Variants in FMN1 observed in about 807,000 individuals in gnomAD.
FMN1 encodes the protein formin 1.
A neutral mutation model predicts 132.4 loss-of-function variants in FMN1; 110 were observed. The observed-to-expected ratio is 0.83, with a 90% CI of 0.71 to 0.97. The LOEUF (loss-of-function observed/expected upper bound fraction) is 0.97. Among genes scored for constraint, FMN1 ranks in the 50% least tolerant of loss-of-function variants. FMN1 has a pLI of 0.00. For synonymous variants in FMN1, 722 were observed against 651.7 expected (o/e 1.11, Z -1.64); for missense variants, 1,792 against 1,705.3 (o/e 1.05, Z -0.90).
At chr15:33,189,464 T>C (rs1296791702) in intron 2 of FMN1, among the ~76,000 whole-genome samples, 1 of 152,228 alleles carries the variant, frequency 6.6e-6, no homozygotes, top group Non-Finnish European at 1.5e-5. Flanking sequence ...ATAATTCTAA[T>C]GCCTAAAAAA....
At chr15:33,010,227 T>C (rs1384840256) in intron 6 of FMN1, among the ~76,000 whole-genome samples, 1 of 152,040 alleles carries the variant, frequency 6.6e-6, no homozygotes, top group Non-Finnish European at 1.5e-5. Flanking sequence ...CACTGTTCAA[T>C]AGCATTTATA....
intron 6 of FMN1, among the ~76,000 whole-genome samples, chr15:33,025,512 A>C (rs1380123795): frequency 6.6e-6 from 1 of 152,186 alleles, no homozygotes; most frequent in Non-Finnish European, 1.5e-5. Context: ...ATGCAATTAA[A>C]TTAAAATCCA....
At chr15:32,788,294 G>C (rs998220694) in intron 19 of FMN1, among the ~76,000 whole-genome samples, 23 of 152,224 alleles carry the variant, frequency 1.5e-4, no homozygotes, top group African/African-American at 5.1e-4. Context: ...TCCTCATTTA[G>C]GGAGAGTAGT....
chr15:32,908,481 T>C lies in FMN1; in HGVS notation c.3377+9A>G. ...TTTGGCCTAACAGAAAAATGTTAAG[T>C]ATCCTTACTGCTCAGGTTTATCCAG... is the stretch of plus-strand genomic sequence containing the variant. On this transcript the variant is annotated intron_variant, in intron 12 of 20. Coordinates refer to ENST00000616417, the MANE Select transcript of FMN1 (RefSeq NM_001277313.2). 6.3e-7 allele frequency: 1 copy of C among 1,582,662 alleles called. No individual in the cohort carries two copies. The highest frequency in any genetic ancestry group is 8.7e-7 in the Non-Finnish European group (1 of 1,152,660).
intron 16 of FMN1, among the ~76,000 whole-genome samples, chr15:32,882,896 A>G (rs1303403360): frequency 6.6e-6 from 1 of 152,262 alleles, no homozygotes; most frequent in South Asian, 2.1e-4. Flanking sequence ...TGACTGACTC[A>G]GGCAAGGGCC....
rs766095623 is a variant in FMN1 at position 32,774,302 on chromosome 15, T to A, written c.*8A>T. The stretch of plus-strand genomic sequence containing the variant: ...CCTCCAGTGCCATCATTTCCATGTG[T>A]CTTCATCTTAGTTAGTGGTCACACT... On this transcript the variant is annotated 3_prime_UTR_variant, in exon 21 of 21. Transcript: ENST00000616417. 2 of 1,601,652 alleles carry A rather than the reference T, an allele frequency of 1.2e-6. No individual in the cohort carries two copies. The highest frequency in any genetic ancestry group is 3.4e-5 in the Admixed American group (2 of 58,924).
intron 17 of FMN1, among the ~76,000 whole-genome samples, chr15:32,820,648 G>C (rs755014851): frequency 1.3e-5 from 2 of 152,098 alleles, no homozygotes; most frequent in Non-Finnish European, 2.9e-5. Context: ...AAGTAGATTT[G>C]TTAGTGTTAT....
chr15:33,170,540 C>A (rs1243785684), intron 3 of FMN1, among the ~76,000 whole-genome samples: 1 of 146,400 alleles, frequency 6.8e-6, no homozygotes, highest in African/African-American at 2.6e-5. Flanking sequence ...ACAGGGAACT[C>A]AAACAACTCA....
chr15:33,094,937 T>C (rs1262852626), intron 4 of FMN1, among the ~76,000 whole-genome samples: 1 of 152,154 alleles, frequency 6.6e-6, no homozygotes, highest in Non-Finnish European at 1.5e-5. Context: ...TTTAGGAGAT[T>C]GTAGGATTCA....
rs373048763 is a variant in FMN1 at position 33,128,747 on chromosome 15, A to G, written c.1867+24301T>C. The stretch of plus-strand genomic sequence containing the variant: ...ACAGCTCTTAAAGGTGATGTGGTGA[A>G]TTTTAAAGCCCTTAAAAGTGGTATG... On this transcript the variant is annotated intron_variant, in intron 4 of 20. Transcript: ENST00000616417. Among the ~76,000 whole-genome samples, 110 of 152,336 alleles carry G rather than the reference A, an allele frequency of 7.2e-4. 2 individuals are homozygous for G. In the South Asian group the frequency reaches 0.022, roughly 31 times the overall value.
At chr15:33,037,193 G>A (rs554900253) in intron 6 of FMN1, among the ~76,000 whole-genome samples, 11 of 152,238 alleles carry the variant, frequency 7.2e-5, no homozygotes, top group Non-Finnish European at 2.9e-5. Context: ...CAGAGTTTGA[G>A]ATGATCTGCT....
At chr15:32,780,462 G>A (rs1000331004) in intron 19 of FMN1, among the ~76,000 whole-genome samples, 3 of 152,170 alleles carry the variant, frequency 2.0e-5, no homozygotes, top group Non-Finnish European at 4.4e-5. Flanking sequence ...TCTTAAAAAA[G>A]GGAGGCATGA....
chr15:33,022,764 G>A (rs1346145893), intron 6 of FMN1, among the ~76,000 whole-genome samples: 2 of 125,222 alleles, frequency 1.6e-5, no homozygotes, highest in Admixed American at 8.8e-5. Context: ...GAGTAACAGG[G>A]ACTGACAGCA....
intron 6 of FMN1, among the ~76,000 whole-genome samples, chr15:33,023,074 AAAAG>A (rs1479529241): frequency 3.7e-4 from 10 of 27,228 alleles, no homozygotes; most frequent in Non-Finnish European, 8.8e-4. Context: ...AAAAAAAAAA[AAAAG>A]AAAAAAAAGA....
Position 33,077,370 on chromosome 15 carries a change from T to TA in FMN1, c.2043+11428_2043+11429insT, listed in dbSNP as rs1491095766. ...TTTTTTTTTAATATATATATATATATTTTTTTTATTATACTTTAAGTTCTA... is the reference window on the plus strand; with the variant it reads ...TTTTTTTTTAATATATATATATATATATTTTTTTATTATACTTTAAGTTCTA... On this transcript the variant is annotated intron_variant, in intron 5 of 20. Coordinates refer to ENST00000616417, the MANE Select transcript of FMN1 (RefSeq NM_001277313.2). Among the ~76,000 whole-genome samples the TA allele has an allele frequency of 5.5e-3, 157 of 28,420 alleles. 1 individual carries two copies. Among genetic ancestry groups the TA allele is most frequent in the Admixed American group, 0.035 (47 of 1,330 alleles). 18.6% of individuals were successfully genotyped at this position (28,420 alleles called of 152,430 possible).
At chr15:32,891,293 G>A (rs2060022783) in intron 15 of FMN1, among the ~76,000 whole-genome samples, 1 of 152,200 alleles carries the variant, frequency 6.6e-6, no homozygotes, top group African/African-American at 2.4e-5. Context: ...TGTCGCCCAG[G>A]CTGGAGTGCA....
intron 12 of FMN1, chr15:32,908,175 G>A (rs2060472271): frequency 4.2e-6 from 1 of 238,690 alleles, no homozygotes; most frequent in East Asian, 8.4e-5. Context: ...ACAGAACAAT[G>A]CCTTCTTCCT....
intron 6 of FMN1, among the ~76,000 whole-genome samples, chr15:33,051,107 C>G (rs571889048): frequency 6.6e-6 from 1 of 152,050 alleles, no homozygotes; most frequent in Non-Finnish European, 1.5e-5. Flanking sequence ...GCAGAGGGAT[C>G]GGGGGATATA....
intron 4 of FMN1, chr15:33,150,615 A>T: frequency 1.0e-6 from 1 of 985,474 alleles, no homozygotes; most frequent in Non-Finnish European, 1.2e-6. Flanking sequence ...TGTAACAAGG[A>T]TAAGCGGGTT....
Sources: gnomAD v4.1 joint callset for allele counts (sites outside exome capture counted in the v4.1 genomes callset) on GRCh38, gnomAD v4.1.1 for gene constraint, MANE v1.5 for transcripts, NCBI Gene and HGNC (gene_info 2026-07-23, HGNC 2026-07-21) for gene names.